GKAP1: variants seen among roughly 807,000 people sequenced by gnomAD.
GKAP1 encodes the protein G kinase-anchoring protein 1.
In GKAP1, 31 loss-of-function variants were observed where a neutral mutation model predicts 56.7. The ratio of observed to expected loss-of-function variants is 0.55; its 90% CI spans 0.41 to 0.74. The LOEUF is 0.74. GKAP1 is among the 30% of genes least tolerant of loss of function. GKAP1 has a pLI of 0.00. For missense variants in GKAP1, 364 were observed against 402.3 expected (o/e 0.90, Z 0.82); for synonymous variants, 151 against 138.6 (o/e 1.09, Z -0.63).
At chr9:83,792,800 T>C (rs934229309) in intron 4 of GKAP1, among the ~76,000 whole-genome samples, 2 of 151,970 alleles carry the variant, frequency 1.3e-5, no homozygotes, top group African/African-American at 4.8e-5. Context: ...AAAATGCAAA[T>C]AAAAGCATAC....
At chr9:83,796,141 A>C (rs886276626) in intron 4 of GKAP1, among the ~76,000 whole-genome samples, 1 of 152,098 alleles carries the variant, frequency 6.6e-6, no homozygotes, top group African/African-American at 2.4e-5. Flanking sequence ...TATGTTGCCC[A>C]GGCCAGTCTC....
chr9:83,758,378 T>C (rs1362893834), intron 8 of GKAP1, among the ~76,000 whole-genome samples: 3 of 152,168 alleles, frequency 2.0e-5, no homozygotes, highest in African/African-American at 7.2e-5. Flanking sequence ...AGATTCATTA[T>C]TGTTGTAATT....
At chr9:83,787,399 G>C (rs1379122489) in intron 5 of GKAP1, among the ~76,000 whole-genome samples, 4 of 108,064 alleles carry the variant, frequency 3.7e-5, no homozygotes, top group Non-Finnish European at 6.3e-5. Context: ...ACCATGCCCA[G>C]CTAATTAAAA....
At chr9:83,779,472 T>TAC (rs1943921439) in intron 7 of GKAP1, among the ~76,000 whole-genome samples, 1 of 117,750 alleles carries the variant, frequency 8.5e-6, no homozygotes, top group Non-Finnish European at 1.8e-5. Flanking sequence ...CACGCACATA[T>TAC]ACATATACAT....
At chr9:83,771,237 G>GT (rs1491234383) in intron 7 of GKAP1, among the ~76,000 whole-genome samples, 4 of 150,738 alleles carry the variant, frequency 2.7e-5, no homozygotes, top group Non-Finnish European at 5.9e-5. Flanking sequence ...TAATTTTTTT[G>GT]TTGTTTGTTT....
intron 4 of GKAP1, among the ~76,000 whole-genome samples, chr9:83,794,621 C>T (rs1429278997): frequency 6.6e-6 from 1 of 152,116 alleles, no homozygotes; most frequent in Non-Finnish European, 1.5e-5. Context: ...TGAATCAATA[C>T]AGTAACAGAA....
In GKAP1 at chr9:83,815,634, AAATAT is replaced by A. The variant is rs375563470; in HGVS notation, c.-44+1357_-44+1361del. Among the ~76,000 whole-genome samples the A allele has an allele frequency of 3.4e-3, 521 of 152,204 alleles. 4 individuals are homozygous for A. Among genetic ancestry groups the A allele is most frequent in the Non-Finnish European group, 5.9e-3 (399 of 68,024 alleles). ...TAAAATCCTTAAATCAAGAACAACC[AAATAT>A]ATTACTTTTTATGAGATGAATGATA... is the stretch of plus-strand genomic sequence containing the variant. On this transcript the variant is annotated intron_variant, in intron 2 of 12. Transcript: ENST00000376371.
chr9:83,781,785 A>G (rs1326348374), intron 6 of GKAP1, among the ~76,000 whole-genome samples: 7 of 152,112 alleles, frequency 4.6e-5, no homozygotes, highest in African/African-American at 1.4e-4. Flanking sequence ...TGTGGAAAAC[A>G]GGAGTTTTAG....
intron 7 of GKAP1, among the ~76,000 whole-genome samples, chr9:83,771,594 T>C (rs1001033568): frequency 6.6e-6 from 1 of 152,218 alleles, no homozygotes; most frequent in African/African-American, 2.4e-5. Flanking sequence ...AAACATTACC[T>C]TATTTGAATT....
intron 9 of GKAP1, among the ~76,000 whole-genome samples, chr9:83,752,619 G>A (rs1943409758): frequency 6.6e-6 from 1 of 152,046 alleles, no homozygotes; most frequent in Non-Finnish European, 1.5e-5. Flanking sequence ...AAAAAGTTCT[G>A]GAAATAGACA....
chr9:83,792,468 A>AT (rs1944176658), intron 4 of GKAP1, among the ~76,000 whole-genome samples: 1 of 152,190 alleles, frequency 6.6e-6, no homozygotes, highest in Admixed American at 6.5e-5. Context: ...CTCAGACAGC[A>AT]TATGGGCACC....
At chr9:83,784,541 ACT>A (rs1277498275) in intron 6 of GKAP1, among the ~76,000 whole-genome samples, 172 bp downstream of exon 6, 1 of 152,172 alleles carries the variant, frequency 6.6e-6, no homozygotes, top group African/African-American at 2.4e-5. Flanking sequence ...ATTCTCAGGT[ACT>A]CTGTTACAGC....
At chr9:83,787,005 A>C (rs1473738656) in intron 5 of GKAP1, among the ~76,000 whole-genome samples, 1 of 152,184 alleles carries the variant, frequency 6.6e-6, no homozygotes, top group Non-Finnish European at 1.5e-5. Flanking sequence ...GTGTAACCTG[A>C]CAGTCCATTT....
chr9:83,806,552 G>T lies in GKAP1; in HGVS notation c.-35C>A, dbSNP rs912857453. Reference sequence around the variant, plus strand: ...TTTTCTTTTAAAATACTTCTGTCAAGAATAATTTCTGTGGGGAGGCAGAAG... The same window carrying T: ...TTTTCTTTTAAAATACTTCTGTCAATAATAATTTCTGTGGGGAGGCAGAAG... On this transcript the variant is annotated 5_prime_UTR_variant, in exon 3 of 13. Coordinates refer to ENST00000376371, the MANE Select transcript of GKAP1 (RefSeq NM_025211.4). The T allele has an allele frequency of 1.9e-6, 3 of 1,580,572 alleles. No homozygotes were observed. In the African/African-American group the frequency reaches 4.1e-5, roughly 21 times the overall value.
At chr9:83,802,061 A>G (rs1377746537) in intron 3 of GKAP1, among the ~76,000 whole-genome samples, 1 of 152,220 alleles carries the variant, frequency 6.6e-6, no homozygotes, top group Admixed American at 6.5e-5. Flanking sequence ...TCTATTAAAC[A>G]AAACACATAC....
At chr9:83,812,293 A>G (rs1284475672) in intron 2 of GKAP1, among the ~76,000 whole-genome samples, 1 of 148,266 alleles carries the variant, frequency 6.7e-6, no homozygotes, top group African/African-American at 2.5e-5. Context: ...ATATATACGT[A>G]TATATATACG....
intron 12 of GKAP1, among the ~76,000 whole-genome samples, chr9:83,741,553 C>A (rs2131221365): frequency 6.6e-6 from 1 of 152,090 alleles, no homozygotes; most frequent in East Asian, 1.9e-4. Context: ...AAAGGGTATT[C>A]ATACAATCTT....
intron 10 of GKAP1, among the ~76,000 whole-genome samples, chr9:83,746,806 G>C (rs1448926442): frequency 6.6e-6 from 1 of 152,190 alleles, no homozygotes; most frequent in African/African-American, 2.4e-5. Flanking sequence ...TTATTGTTTA[G>C]GGAGTAATGA....
chr9:83,799,692 C>A (rs906546256), intron 3 of GKAP1, among the ~76,000 whole-genome samples: 2 of 152,108 alleles, frequency 1.3e-5, no homozygotes, highest in African/African-American at 4.8e-5. Flanking sequence ...AGTGGCTCAC[C>A]CCTCTAATCT....
Sources: gnomAD v4.1 joint callset for allele counts (sites outside exome capture counted in the v4.1 genomes callset) on GRCh38, gnomAD v4.1.1 for gene constraint, MANE v1.5 for transcripts, NCBI Gene and HGNC (gene_info 2026-07-23, HGNC 2026-07-21) for gene names.